The following PPP1R42 variants were observed in gnomAD, a reference collection of about 807,000 sequenced individuals.
PPP1R42 encodes the protein protein phosphatase 1 regulatory subunit 42.
In PPP1R42, 34 loss-of-function variants were observed where a neutral mutation model predicts 31.0. That is an observed-to-expected ratio of 1.10 (90% CI 0.83 to 1.46). The LOEUF (loss-of-function observed/expected upper bound fraction) is 1.46. Among genes scored for constraint, PPP1R42 ranks in the 40% most tolerant of loss-of-function variants. The probability of loss-of-function intolerance (pLI) is 0.00; values close to 1 mark genes in which losing one functional copy is unlikely to be tolerated. For missense variants in PPP1R42, 268 were observed against 303.0 expected (o/e 0.88, Z 0.86); for synonymous variants, 103 against 109.8 (o/e 0.94, Z 0.39).
At chr8:67,024,965 G>T (rs571932643) in intron 1 of PPP1R42, among the ~76,000 whole-genome samples, 1 of 146,306 alleles carries the variant, frequency 6.8e-6, no homozygotes, top group South Asian at 2.2e-4. Context: ...GTACAGATAG[G>T]GGTTCACTCT....
At chr8:66,980,489 A>G (rs1365345112) in intron 7 of PPP1R42, among the ~76,000 whole-genome samples, 1 of 152,024 alleles carries the variant, frequency 6.6e-6, no homozygotes, top group Non-Finnish European at 1.5e-5. Context: ...TCAGCCTCCC[A>G]AAGTACTAGA....
At chr8:67,015,175 T>C (rs903892343) in intron 2 of PPP1R42, among the ~76,000 whole-genome samples, 2 of 152,062 alleles carry the variant, frequency 1.3e-5, no homozygotes, top group African/African-American at 4.8e-5. Context: ...TGTGCCACCA[T>C]GCCCGGCTAA....
chr8:67,018,149 C>T (rs1237657746), intron 1 of PPP1R42, among the ~76,000 whole-genome samples: 38 of 149,502 alleles, frequency 2.5e-4, no homozygotes, highest in African/African-American at 9.4e-4. Flanking sequence ...GAGTTTCGCT[C>T]TTGTCACCCA....
At chr8:66,968,342 C>T (rs1196498928) in intron 7 of PPP1R42, 1 of 293,114 alleles carries the variant, frequency 3.4e-6, no homozygotes. Flanking sequence ...TTCACTGGCT[C>T]CACATAGGAT....
chr8:67,020,564 G>A (rs924665493), intron 1 of PPP1R42, among the ~76,000 whole-genome samples: 4 of 152,302 alleles, frequency 2.6e-5, no homozygotes, highest in African/African-American at 9.6e-5. Context: ...TACTAGTTAG[G>A]CATCTTGGGC....
At position 66,984,559 on chromosome 8, in the gene PPP1R42, C is replaced by A. The variant is rs960226511; in HGVS notation, c.671-2379G>T. The A allele has an allele frequency of 3.3e-6, 4 of 1,230,534 alleles. No individual in the cohort carries two copies. In the African/African-American group the frequency reaches 5.9e-5, roughly 18 times the overall value. The allele number at this position is 1,230,534 out of a possible 1,614,324, so 76.2% of individuals were successfully genotyped here. On this transcript the variant is annotated intron_variant, in intron 6 of 7. Transcript: ENST00000685739. The stretch of plus-strand genomic sequence containing the variant: ...TTTCTAACTCCATCTCAATCTTGAA[C>A]TTCTTGGCTGGGGTGCTCAAATTTC...
chr8:67,019,775 C>T (rs1319857536), intron 1 of PPP1R42, among the ~76,000 whole-genome samples: 1 of 151,446 alleles, frequency 6.6e-6, no homozygotes, highest in Non-Finnish European at 1.5e-5. Context: ...GTAGTCCCAG[C>T]TACTTGGGAG....
chr8:66,965,388 C>A (rs1341332569), intron 7 of PPP1R42, among the ~76,000 whole-genome samples: 1 of 151,550 alleles, frequency 6.6e-6, no homozygotes. Flanking sequence ...GGGAAAATAA[C>A]CAGGAGTGAA....
intron 5 of PPP1R42, among the ~76,000 whole-genome samples, chr8:66,990,417 C>T (rs1815157218): frequency 6.6e-6 from 1 of 152,166 alleles, no homozygotes; most frequent in African/African-American, 2.4e-5. Context: ...TGCTGAAATA[C>T]GATTACCCTT....
At chr8:66,997,558 T>C (rs1352739995) in intron 5 of PPP1R42, among the ~76,000 whole-genome samples, 1 of 151,190 alleles carries the variant, frequency 6.6e-6, no homozygotes, top group Non-Finnish European at 1.5e-5. Flanking sequence ...TTTTTTTTTT[T>C]TCCCAAGAAA....
chr8:66,967,728 A>G (rs1814425158), intron 7 of PPP1R42, among the ~76,000 whole-genome samples: 1 of 152,226 alleles, frequency 6.6e-6, no homozygotes, highest in African/African-American at 2.4e-5. Flanking sequence ...TATGGGTCCC[A>G]GTGATTTGTA....
chr8:67,022,388 C>G (rs530594987), intron 1 of PPP1R42, among the ~76,000 whole-genome samples: 2 of 152,284 alleles, frequency 1.3e-5, no homozygotes, highest in South Asian at 4.1e-4. Flanking sequence ...AACACACACA[C>G]ATTTCTATTA....
Position 66,982,110 on chromosome 8 carries a change from A to G in PPP1R42, c.741T>C (p.Asp247=), listed in dbSNP as rs1371072498. The G allele has an allele frequency of 1.3e-6, 2 of 1,494,918 alleles. No homozygotes were observed. The highest frequency in any genetic ancestry group is 1.8e-6 in the Non-Finnish European group (2 of 1,133,902). The allele number at this position is 1,494,918 out of a possible 1,614,324, so 92.6% of individuals were successfully genotyped here. A position where few individuals can be genotyped will look rare whatever the true frequency, so the allele number is the denominator to read the frequency against. Residue 247 remains aspartate (D), a synonymous_variant, in exon 7 of 8, where the codon GAT becomes GAC. Transcript: ENST00000685739. ...QFLMNWKASK[D]AKKISKKRSS... ...TCCTTTTTTTGCTGATTTTCTTGGC[A>G]TCTTTGGATGCTTTCCAATTCATTA...
chr8:66,971,313 CA>C, intron 7 of PPP1R42, among the ~76,000 whole-genome samples: 1 of 152,154 alleles, frequency 6.6e-6, no homozygotes, highest in African/African-American at 2.4e-5. Flanking sequence ...CTTTCATATA[CA>C]AAAACCTATA....
chr8:66,992,569 G>T (rs960124478), intron 5 of PPP1R42, among the ~76,000 whole-genome samples: 9 of 152,206 alleles, frequency 5.9e-5, no homozygotes, highest in African/African-American at 1.9e-4. Flanking sequence ...ATATGTCCCT[G>T]GTGGGAGAAC....
At chr8:67,002,321 T>A (rs1815516866) in intron 5 of PPP1R42, among the ~76,000 whole-genome samples, 1 of 152,224 alleles carries the variant, frequency 6.6e-6, no homozygotes. Context: ...TGCCTCAGCT[T>A]CCCAAGTAGC....
chr8:67,001,872 C>T (rs1009443449), intron 5 of PPP1R42, among the ~76,000 whole-genome samples: 1 of 152,286 alleles, frequency 6.6e-6, no homozygotes, highest in African/African-American at 2.4e-5. Flanking sequence ...TGTGGCAGGA[C>T]GTTCACTTGA....
At chr8:66,970,939 C>T in intron 7 of PPP1R42, 2 of 1,393,850 alleles carry the variant, frequency 1.4e-6, no homozygotes, top group South Asian at 2.5e-5. Context: ...GTCTCCTCCC[C>T]ACCAAAAAGA....
intron 7 of PPP1R42, among the ~76,000 whole-genome samples, chr8:66,967,666 C>G (rs536012190): frequency 6.6e-6 from 1 of 152,234 alleles, no homozygotes; most frequent in Middle Eastern, 3.4e-3. Context: ...ACAAAGGGTA[C>G]TAGGTATTTT....
Sources: gnomAD v4.1 joint callset for allele counts (sites outside exome capture counted in the v4.1 genomes callset) on GRCh38, gnomAD v4.1.1 for gene constraint, MANE v1.5 for transcripts, NCBI Gene and HGNC (gene_info 2026-07-23, HGNC 2026-07-21) for gene names.